Variants in XYLT1 observed in about 807,000 individuals in gnomAD.
The protein encoded by XYLT1 is beta-D-xylosyltransferase 1.
In XYLT1, 36 loss-of-function variants were observed where a neutral mutation model predicts 91.3. That is an observed-to-expected ratio of 0.39 (90% confidence interval 0.30 to 0.52). The LOEUF is 0.52. XYLT1 is among the 20% of genes least tolerant of loss of function. The pLI is 0.68. For missense variants in XYLT1, 1,242 were observed against 1,284.5 expected, an observed-to-expected ratio of 0.97 and a Z score of 0.51; for synonymous variants, 588 against 532.0, an observed-to-expected ratio of 1.11 and a Z score of -1.45.
chr16:17,357,717 T>G (rs1361707599), intron 2 of XYLT1, among the ~76,000 whole-genome samples: 1 of 152,224 alleles, frequency 6.6e-6, no homozygotes, highest in African/African-American at 2.4e-5. Flanking sequence ...GCATGATGGT[T>G]GGGCAGGAGC....
chr16:17,431,927 G>A (rs1033296871), intron 1 of XYLT1, among the ~76,000 whole-genome samples: 2 of 152,214 alleles, frequency 1.3e-5, no homozygotes, highest in Non-Finnish European at 2.9e-5. Context: ...TCTGAATTTT[G>A]CTGGGGGATA....
intron 1 of XYLT1, among the ~76,000 whole-genome samples, chr16:17,382,390 T>C (rs1457738502): frequency 6.6e-6 from 1 of 151,906 alleles, no homozygotes; most frequent in Non-Finnish European, 1.5e-5. Context: ...TGGAACTCAC[T>C]AGCCACACGT....
chr16:17,377,511 G>C (rs749007340), intron 1 of XYLT1, among the ~76,000 whole-genome samples: 1 of 152,036 alleles, frequency 6.6e-6, no homozygotes, highest in Non-Finnish European at 1.5e-5. Context: ...TTTGAGAATG[G>C]CTTATTTAGC....
At chr16:17,350,534 C>A (rs1292087981) in intron 2 of XYLT1, among the ~76,000 whole-genome samples, 6 of 152,210 alleles carry the variant, frequency 3.9e-5, no homozygotes, top group African/African-American at 4.8e-5. Context: ...AGAGAGGCAG[C>A]AAATCACAGC....
chr16:17,460,285 G>A (rs2036800673), intron 1 of XYLT1, among the ~76,000 whole-genome samples: 1 of 152,188 alleles, frequency 6.6e-6, no homozygotes, highest in Admixed American at 6.5e-5. Flanking sequence ...CTCAAAGGAG[G>A]CTGTCACTCA....
At chr16:17,272,438 ACAGG>A (rs1269050081) in intron 2 of XYLT1, among the ~76,000 whole-genome samples, 1 of 152,082 alleles carries the variant, frequency 6.6e-6, no homozygotes, top group Non-Finnish European at 1.5e-5. Flanking sequence ...TGCTAAGATT[ACAGG>A]CTTTGAGCCA....
rs535471100 is a variant in XYLT1, at chr16:17,378,057, T to C, written c.364-20007A>G. Among the ~76,000 whole-genome samples the C allele has an allele frequency of 3.9e-5, 6 of 152,318 alleles. No homozygotes were observed. The East Asian group carries it at 1.2e-3, about 29-fold the overall frequency. On this transcript the variant is annotated intron_variant, in intron 1 of 11. Coordinates refer to ENST00000261381, the MANE Select transcript of XYLT1 (RefSeq NM_022166.4). ...TGAATTGGAATAGGTCAAACCTGTC[T>C]ACAGTACTCAAATGTCACGGGGGTT...
In XYLT1 at chr16:17,358,116, T is replaced by C. The variant is rs569450938; in HGVS notation, c.364-66A>G. On this transcript the variant is annotated intron_variant, in intron 1 of 11. Coordinates refer to ENST00000261381, the MANE Select transcript of XYLT1 (RefSeq NM_022166.4). ...AAAGTTAACTTACTACCCCAGCATC[T>C]TTTTCTTTCTTTCCTTTTTTTTTTT... is the stretch of plus-strand genomic sequence containing the variant. 42 of 1,460,446 alleles carry C rather than the reference T, an allele frequency of 2.9e-5. No homozygotes were observed. In the African/African-American group the frequency reaches 3.7e-4, roughly 13 times the overall value. The allele number at this position is 1,460,446 out of a possible 1,614,324, so 90.5% of individuals were successfully genotyped here. A position where few individuals can be genotyped will look rare whatever the true frequency, so the allele number is the denominator to read the frequency against.
chr16:17,314,813 T>C (rs2034601856), intron 2 of XYLT1, among the ~76,000 whole-genome samples: 1 of 152,202 alleles, frequency 6.6e-6, no homozygotes, highest in African/African-American at 2.4e-5. Flanking sequence ...CTTTGTATTA[T>C]ATAACTCATA....
chr16:17,233,438 C>T (rs986581225), intron 3 of XYLT1, among the ~76,000 whole-genome samples: 2 of 152,200 alleles, frequency 1.3e-5, no homozygotes, highest in Non-Finnish European at 2.9e-5. Flanking sequence ...ACTGCGGAAG[C>T]GAGCAAGAGT....
intron 1 of XYLT1, among the ~76,000 whole-genome samples, chr16:17,384,452 T>C (rs895140645): frequency 2.0e-5 from 3 of 151,912 alleles, no homozygotes; most frequent in Non-Finnish European, 2.9e-5. Context: ...TGTTTTGAAC[T>C]GCAAAGTGTT....
chr16:17,362,666 G>A (rs181458314), intron 1 of XYLT1, among the ~76,000 whole-genome samples: 190 of 152,310 alleles, frequency 1.2e-3, no homozygotes, highest in African/African-American at 4.3e-3. Context: ...GACTTTGTTC[G>A]TTATCATTCC....
chr16:17,470,068 T>C (rs1290456625), intron 1 of XYLT1, among the ~76,000 whole-genome samples: 2 of 151,350 alleles, frequency 1.3e-5, no homozygotes, highest in South Asian at 2.1e-4. Context: ...TCCGGGGAGA[T>C]CCACTCACTC....
chr16:17,150,595 A>T (rs2031258223), intron 6 of XYLT1, among the ~76,000 whole-genome samples: 1 of 152,226 alleles, frequency 6.6e-6, no homozygotes, highest in South Asian at 2.1e-4. Context: ...TTACAAATGA[A>T]GGAACAGAGA....
chr16:17,288,912 G>A (rs750776590), intron 2 of XYLT1, among the ~76,000 whole-genome samples: 9 of 152,110 alleles, frequency 5.9e-5, no homozygotes, highest in Non-Finnish European at 1.3e-4. Flanking sequence ...ACTGAGTGTT[G>A]AGGTGATTTG....
intron 9 of XYLT1, among the ~76,000 whole-genome samples, chr16:17,128,917 T>C (rs1597138003): frequency 6.6e-6 from 1 of 152,156 alleles, no homozygotes; most frequent in Non-Finnish European, 1.5e-5. Flanking sequence ...CACAAATCAT[T>C]GTCCCTGCTC....
chr16:17,158,777 T>C, intron 6 of XYLT1, 52 bp downstream of exon 6: 1 of 1,587,048 alleles, frequency 6.3e-7, no homozygotes. Context: ...CCCCAAATGA[T>C]CACTCAGATT....
At chr16:17,196,471 G>A (rs1479599088) in intron 5 of XYLT1, among the ~76,000 whole-genome samples, 2 of 152,210 alleles carry the variant, frequency 1.3e-5, no homozygotes, top group African/African-American at 4.8e-5. Flanking sequence ...ATAACCCACT[G>A]TTGGGGGAAG....
intron 10 of XYLT1, among the ~76,000 whole-genome samples, chr16:17,124,469 G>C (rs964212139): frequency 1.2e-4 from 18 of 152,304 alleles, no homozygotes; most frequent in African/African-American, 4.3e-4. Context: ...TGTTTCTGCT[G>C]TGAGAAATCT....
Sources: gnomAD v4.1 joint callset for allele counts (sites outside exome capture counted in the v4.1 genomes callset) on GRCh38, gnomAD v4.1.1 for gene constraint, MANE v1.5 for transcripts, NCBI Gene and HGNC (gene_info 2026-07-23, HGNC 2026-07-21) for gene names.